Variants in ASIC2 observed in about 807,000 individuals in gnomAD.
The protein encoded by ASIC2 is acid-sensing ion channel 2.
In ASIC2, 25 loss-of-function variants were observed where a neutral mutation model predicts 57.3. The ratio of observed to expected loss-of-function variants is 0.44; its 90% CI spans 0.32 to 0.61. The LOEUF (loss-of-function observed/expected upper bound fraction) is 0.61. ASIC2 is among the 20% of genes least tolerant of loss of function. The pLI is 0.06. For synonymous variants in ASIC2, 319 were observed against 307.5 expected (o/e 1.04, Z -0.39); for missense variants, 641 against 738.1 (o/e 0.87, Z 1.52).
chr17:33,905,569 T>G (rs1245697840), intron 1 of ASIC2, among the ~76,000 whole-genome samples: 2 of 152,168 alleles, frequency 1.3e-5, no homozygotes, highest in Non-Finnish European at 2.9e-5. Context: ...ACAGATAATA[T>G]GCAAAGTAGG....
At chr17:33,412,466 A>C (rs1262276392) in intron 1 of ASIC2, among the ~76,000 whole-genome samples, 1 of 152,220 alleles carries the variant, frequency 6.6e-6, no homozygotes, top group Non-Finnish European at 1.5e-5. Flanking sequence ...CCTATGCAAC[A>C]GTCCTTGAGG....
intron 1 of ASIC2, among the ~76,000 whole-genome samples, chr17:33,425,330 T>C (rs1325185095): frequency 6.6e-6 from 1 of 152,218 alleles, no homozygotes; most frequent in East Asian, 1.9e-4. Context: ...GGAAAACAAC[T>C]CAGCTCTGTC....
intron 1 of ASIC2, among the ~76,000 whole-genome samples, chr17:33,670,983 T>C (rs1453408290): frequency 6.6e-6 from 1 of 152,232 alleles, no homozygotes; most frequent in Non-Finnish European, 1.5e-5. Context: ...TTCCTTCATC[T>C]ATGCTTTTAA....
At chr17:34,138,331 A>G (rs992222393) in intron 1 of ASIC2, among the ~76,000 whole-genome samples, 37 of 152,198 alleles carry the variant, frequency 2.4e-4, no homozygotes, top group Non-Finnish European at 2.9e-5. Context: ...TTTTACCTTC[A>G]TCATTAATTC....
At chr17:34,033,502 A>G (rs1907716647) in intron 1 of ASIC2, among the ~76,000 whole-genome samples, 2 of 152,222 alleles carry the variant, frequency 1.3e-5, no homozygotes, top group African/African-American at 2.4e-5. Flanking sequence ...GAAGGCAAAA[A>G]ATAACTAAGA....
chr17:33,528,386 G>A (rs150844814), intron 1 of ASIC2, among the ~76,000 whole-genome samples: 359 of 152,158 alleles, frequency 2.4e-3, no homozygotes, highest in African/African-American at 8.0e-3. Context: ...AACCCTGATA[G>A]CAACTGGGCT....
intron 1 of ASIC2, among the ~76,000 whole-genome samples, chr17:33,187,580 TA>T (rs1471290862): frequency 6.6e-6 from 1 of 152,146 alleles, no homozygotes; most frequent in East Asian, 1.9e-4. Flanking sequence ...TACCTGCACC[TA>T]ATAGAATGTA....
intron 1 of ASIC2, among the ~76,000 whole-genome samples, chr17:33,462,459 C>T (rs1450946765): frequency 3.9e-5 from 6 of 152,102 alleles, no homozygotes; most frequent in Non-Finnish European, 7.4e-5. Flanking sequence ...GTGGATAATA[C>T]CCTAGGGGAT....
intron 1 of ASIC2, among the ~76,000 whole-genome samples, chr17:33,157,175 G>A (rs2142035502): frequency 6.6e-6 from 1 of 152,238 alleles, no homozygotes. Context: ...TGAAATGAGA[G>A]TTCATTACCT....
chr17:34,129,534 A>G (rs1054537475), intron 1 of ASIC2, among the ~76,000 whole-genome samples: 2 of 152,174 alleles, frequency 1.3e-5, no homozygotes, highest in African/African-American at 4.8e-5. Context: ...ACCTGGAACT[A>G]ATAATTCCCA....
At chr17:33,608,533 A>G (rs967831294) in intron 1 of ASIC2, among the ~76,000 whole-genome samples, 3 of 151,664 alleles carry the variant, frequency 2.0e-5, no homozygotes, top group Non-Finnish European at 4.4e-5. Context: ...CCTTATATGC[A>G]TGGTGGGGTG....
intron 1 of ASIC2, among the ~76,000 whole-genome samples, chr17:33,528,218 G>A (rs1914946242): frequency 7.7e-6 from 1 of 129,126 alleles, no homozygotes; most frequent in African/African-American, 3.0e-5. Flanking sequence ...GGACAGGTGA[G>A]GCAGGGAGCC....
chr17:34,099,147 AGAGAGAGAGAG>A (rs1910682068), intron 1 of ASIC2, among the ~76,000 whole-genome samples: 3 of 13,284 alleles, frequency 2.3e-4, no homozygotes, highest in African/African-American at 8.1e-4. Context: ...AGAGAGAGAC[AGAGAGAGAGAG>A]AGAGAGAAAG....
At chr17:33,088,837 C>T in intron 3 of ASIC2, 26 bp downstream of exon 3, 1 of 1,594,058 alleles carries the variant, frequency 6.3e-7, no homozygotes, top group Non-Finnish European at 8.5e-7. Flanking sequence ...TGAGGACCAT[C>T]AATCCTGGGA....
chr17:33,942,913 G>A (rs1024770073), intron 1 of ASIC2, among the ~76,000 whole-genome samples: 1 of 152,128 alleles, frequency 6.6e-6, no homozygotes, highest in South Asian at 2.1e-4. Flanking sequence ...AGTAATAGTT[G>A]GGTATCACCA....
At chr17:33,768,594 C>CCTAG in intron 1 of ASIC2, among the ~76,000 whole-genome samples, 6 of 152,142 alleles carry the variant, frequency 3.9e-5, no homozygotes. Context: ...AAATCCTAGG[C>CCTAG]AGACAGGGGC....
intron 1 of ASIC2, among the ~76,000 whole-genome samples, chr17:34,044,765 T>C (rs1025242889): frequency 1.3e-5 from 2 of 152,176 alleles, no homozygotes; most frequent in Non-Finnish European, 2.9e-5. Context: ...TTGGAGACTT[T>C]CCAGCAGGCA....
intron 1 of ASIC2, among the ~76,000 whole-genome samples, chr17:34,029,269 T>G (rs35228312): frequency 0.16 from 25,081 of 152,040 alleles, 2,231 homozygotes; most frequent in African/African-American, 0.24. Flanking sequence ...TTTTGTCTGT[T>G]TTCTCTATTA....
chr17:33,905,643 C>T (rs1035283984), intron 1 of ASIC2, among the ~76,000 whole-genome samples: 2 of 152,168 alleles, frequency 1.3e-5, no homozygotes, highest in African/African-American at 4.8e-5. Context: ...TTCAGTCAAC[C>T]ACCTATTATC....
Sources: gnomAD v4.1 joint callset for allele counts (sites outside exome capture counted in the v4.1 genomes callset) on GRCh38, gnomAD v4.1.1 for gene constraint, MANE v1.5 for transcripts, NCBI Gene and HGNC (gene_info 2026-07-23, HGNC 2026-07-21) for gene names.